KCNMB2: variants seen among roughly 807,000 people sequenced by gnomAD.
KCNMB2 encodes the protein potassium calcium-activated channel subfamily M regulatory beta subunit 2.
A neutral mutation model predicts 24.5 loss-of-function variants in KCNMB2; 9 were observed. The ratio of observed to expected loss-of-function variants is 0.37; its 90% confidence interval spans 0.22 to 0.64. The LOEUF (loss-of-function observed/expected upper bound fraction) is 0.64. KCNMB2 is among the 30% of genes least tolerant of loss of function. KCNMB2 has a pLI of 0.63. For missense variants in KCNMB2, 226 were observed against 284.3 expected, an observed-to-expected ratio of 0.79 and a Z score of 1.47; for synonymous variants, 109 against 104.4, an observed-to-expected ratio of 1.04 and a Z score of -0.27.
intron 1 of KCNMB2, among the ~76,000 whole-genome samples, chr3:178,624,844 G>A (rs904802087): frequency 2.6e-5 from 4 of 152,042 alleles, no homozygotes; most frequent in Non-Finnish European, 5.9e-5. Flanking sequence ...GCCAGGGAAG[G>A]GGAGTTGGCA....
chr3:178,582,429 C>G (rs1309477016), intron 1 of KCNMB2, among the ~76,000 whole-genome samples: 3 of 152,092 alleles, frequency 2.0e-5, no homozygotes, highest in African/African-American at 7.2e-5. Flanking sequence ...TTGATGGGTA[C>G]AGCAAACCAC....
chr3:178,596,721 A>C (rs1717890006), intron 1 of KCNMB2, among the ~76,000 whole-genome samples: 1 of 152,020 alleles, frequency 6.6e-6, no homozygotes. Flanking sequence ...GGAATTGCCA[A>C]ACCCTGATAC....
intron 1 of KCNMB2, among the ~76,000 whole-genome samples, chr3:178,576,556 C>A (rs1340162443): frequency 6.6e-6 from 1 of 152,146 alleles, no homozygotes; most frequent in Non-Finnish European, 1.5e-5. Flanking sequence ...TCAGCAGATC[C>A]CACCCCCATG....
intron 1 of KCNMB2, among the ~76,000 whole-genome samples, chr3:178,556,754 G>T (rs1235772418): frequency 6.6e-6 from 1 of 152,178 alleles, no homozygotes; most frequent in South Asian, 2.1e-4. Flanking sequence ...GAAACCAGGA[G>T]AATGCAGAAT....
intron 1 of KCNMB2, among the ~76,000 whole-genome samples, chr3:178,731,122 A>G (rs1723136554): frequency 6.6e-6 from 1 of 152,080 alleles, no homozygotes; most frequent in African/African-American, 2.4e-5. Context: ...AAAAAAAAAT[A>G]AGGAAAAGGA....
intron 2 of KCNMB2, among the ~76,000 whole-genome samples, chr3:178,814,344 T>A (rs1714320067): frequency 6.6e-6 from 1 of 152,198 alleles, no homozygotes; most frequent in African/African-American, 2.4e-5. Context: ...TGTGCAATAT[T>A]TGATGGTGTA....
chr3:178,650,055 T>A (rs553538755), intron 1 of KCNMB2, among the ~76,000 whole-genome samples: 1 of 152,220 alleles, frequency 6.6e-6, no homozygotes, highest in African/African-American at 2.4e-5. Flanking sequence ...TTTGTTCTCA[T>A]TGGTTTCAAA....
chr3:178,630,261 T>C (rs755334911), intron 1 of KCNMB2, among the ~76,000 whole-genome samples: 2 of 152,198 alleles, frequency 1.3e-5, no homozygotes, highest in African/African-American at 2.4e-5. Flanking sequence ...TCCCACAATT[T>C]CCAGCAATAC....
intron 1 of KCNMB2, among the ~76,000 whole-genome samples, chr3:178,574,791 G>C (rs938166007): frequency 6.6e-6 from 1 of 152,230 alleles, no homozygotes; most frequent in African/African-American, 2.4e-5. Flanking sequence ...ATCTGGGCCA[G>C]GCGTGGTGGC....
intron 1 of KCNMB2, among the ~76,000 whole-genome samples, chr3:178,717,064 A>AC (rs1722641937): frequency 6.6e-6 from 1 of 152,206 alleles, no homozygotes; most frequent in South Asian, 2.1e-4. Context: ...AAAAAAAAAA[A>AC]AAGGATGAAC....
rs565057171 is a variant in KCNMB2, at chr3:178,588,996, A to T, written c.-68+52285A>T. 2.0e-5 allele frequency among the ~76,000 whole-genome samples: 3 copies of T among 152,342 alleles called. No individual in the cohort carries two copies. The East Asian group carries it at 5.8e-4, about 29-fold the overall frequency. Reference sequence around the variant, plus strand: ...GGTTTAACAGAGCCTATGTGAATGAACTGATACCCTTCAGGCTTAACTCAA... The same window carrying T: ...GGTTTAACAGAGCCTATGTGAATGATCTGATACCCTTCAGGCTTAACTCAA... On this transcript the variant is annotated intron_variant, in intron 1 of 4. Coordinates refer to ENST00000452583, the MANE Select transcript of KCNMB2 (RefSeq NM_181361.3).
At position 178,682,051 on chromosome 3, in the gene KCNMB2, T is replaced by C. The variant is rs530022562; in HGVS notation, c.-67-125292T>C. 7.9e-5 allele frequency among the ~76,000 whole-genome samples: 12 copies of C among 152,280 alleles called. No individual in the cohort carries two copies. The East Asian group carries it at 2.3e-3, about 29-fold the overall frequency. Reference sequence around the variant, plus strand: ...AAGCCTGCTAATTTTTGTGTTACAGTTTTCTAAATGTTCCCCATCCCCATA... The same window carrying C: ...AAGCCTGCTAATTTTTGTGTTACAGCTTTCTAAATGTTCCCCATCCCCATA... On this transcript the variant is annotated intron_variant, in intron 1 of 4. Coordinates refer to ENST00000452583, the MANE Select transcript of KCNMB2 (RefSeq NM_181361.3).
intron 1 of KCNMB2, among the ~76,000 whole-genome samples, chr3:178,646,786 T>A (rs528447131): frequency 5.5e-4 from 84 of 152,194 alleles, no homozygotes; most frequent in Admixed American, 1.0e-3. Flanking sequence ...TTAAAGAACA[T>A]TTATCCTCCA....
intron 1 of KCNMB2, among the ~76,000 whole-genome samples, chr3:178,804,766 T>G (rs1713900666): frequency 6.6e-6 from 1 of 152,224 alleles, no homozygotes; most frequent in Non-Finnish European, 1.5e-5. Context: ...ACTCAGGAAT[T>G]TATTGGTTTA....
At chr3:178,725,232 C>A (rs1722929966) in intron 1 of KCNMB2, among the ~76,000 whole-genome samples, 1 of 152,034 alleles carries the variant, frequency 6.6e-6, no homozygotes, top group African/African-American at 2.4e-5. Flanking sequence ...TCTTCCATCT[C>A]TTTGGTTACA....
At chr3:178,689,124 T>C (rs183029738) in intron 1 of KCNMB2, among the ~76,000 whole-genome samples, 3 of 152,318 alleles carry the variant, frequency 2.0e-5, no homozygotes, top group Admixed American at 2.0e-4. Context: ...GAAAATATTG[T>C]TGTTTATTAT....
At chr3:178,586,534 C>CTTTTTTTTTTTTT (rs1717436976) in intron 1 of KCNMB2, among the ~76,000 whole-genome samples, 8 of 68,488 alleles carry the variant, frequency 1.2e-4, no homozygotes, top group South Asian at 5.2e-4. Flanking sequence ...TTTTTTTTTT[C>CTTTTTTTTTTTTT]TTTCTTTTTT....
chr3:178,806,785 T>C (rs922983762), intron 1 of KCNMB2, among the ~76,000 whole-genome samples: 2 of 152,018 alleles, frequency 1.3e-5, no homozygotes, highest in African/African-American at 4.8e-5. Flanking sequence ...AGCCAGTGAG[T>C]ATCAGCTGCC....
At chr3:178,813,621 T>TGCCAAAGTTC (rs1714281966) in intron 2 of KCNMB2, among the ~76,000 whole-genome samples, 1 of 152,208 alleles carries the variant, frequency 6.6e-6, no homozygotes, top group Admixed American at 6.5e-5. Flanking sequence ...ACACTCTTAC[T>TGCCAAAGTTC]CTATTGGCAG....
Sources: gnomAD v4.1 joint callset for allele counts (sites outside exome capture counted in the v4.1 genomes callset) on GRCh38, gnomAD v4.1.1 for gene constraint, MANE v1.5 for transcripts, NCBI Gene and HGNC (gene_info 2026-07-23, HGNC 2026-07-21) for gene names.